Variants in SLC12A3 observed in about 807,000 individuals in gnomAD.
SLC12A3 encodes solute carrier family 12 member 3.
In SLC12A3, 104 loss-of-function variants were observed where a neutral mutation model predicts 121.0. That is an observed-to-expected ratio of 0.86 (90% CI 0.73 to 1.01). The LOEUF (loss-of-function observed/expected upper bound fraction) is 1.01. SLC12A3 is among the 50% of genes least tolerant of loss of function. The pLI is 0.00. For missense variants in SLC12A3, 1,328 were observed against 1,356.3 expected (o/e 0.98, Z 0.33); for synonymous variants, 536 against 533.4 (o/e 1.00, Z -0.07).
chr16:56,904,612 A>G (rs2055583184), intron 25 of SLC12A3, 150 bp downstream of exon 25: 2 of 743,466 alleles, frequency 2.7e-6, no homozygotes, highest in Admixed American at 4.1e-5. Flanking sequence ...AGCCCTGGCG[A>G]TTCTTAGCAT....
intron 25 of SLC12A3, 66 bp downstream of exon 25, chr16:56,904,528 G>T: frequency 2.0e-6 from 3 of 1,468,380 alleles, no homozygotes; most frequent in Non-Finnish European, 2.9e-6. Flanking sequence ...CTCTGGGAAG[G>T]GGCTCAGCAG....
At position 56,867,085 on chromosome 16, in the gene SLC12A3, C is replaced by T. The variant is rs1179612253; in HGVS notation, c.298C>T (p.Leu100=). 2 of 1,613,468 alleles carry T rather than the reference C, an allele frequency of 1.2e-6. No individual in the cohort carries two copies. Among genetic ancestry groups the T allele is most frequent in the Admixed American group, 3.3e-5 (2 of 60,028 alleles). The change falls in exon 2 of 26, where the codon CTG becomes TTG. Residue 100 remains leucine, a synonymous_variant. Transcript: ENST00000563236. ...GGGCTGCCAGCAGGAAGGCAGACAC[C>T]TGCATGCCCTGGCCTTTGACAGCCG... ...HSFLKQEGRH[L]HALAFDSRPS... is the part of the protein sequence containing the mutation.
intron 9 of SLC12A3, among the ~76,000 whole-genome samples, chr16:56,878,463 GTGA>G (rs34584723): frequency 0.18 from 27,610 of 151,634 alleles, 2,579 homozygotes; most frequent in Admixed American, 0.25. Flanking sequence ...AAATCTAGGA[GTGA>G]TGATGATGAT....
rs34954218 is a variant in SLC12A3 at position 56,898,960 on chromosome 16, G to A, written c.2634-570G>A. 6.8e-3 allele frequency among the ~76,000 whole-genome samples: 1,035 copies of A among 152,310 alleles called. 13 individuals are homozygous for A. The highest frequency in any genetic ancestry group is 0.023 in the African/African-American group (962 of 41,564). ...CCAGACCAGCCGAATCAGAATCAGC[G>A]TGGTAACAAGATCCTCAGCAGATGC... On this transcript the variant is annotated intron_variant, in intron 22 of 25. Coordinates refer to ENST00000563236, the MANE Select transcript of SLC12A3 (RefSeq NM_001126108.2).
At chr16:56,897,330 A>G (rs1431629194) in intron 22 of SLC12A3, among the ~76,000 whole-genome samples, 2 of 152,122 alleles carry the variant, frequency 1.3e-5, no homozygotes, top group Non-Finnish European at 2.9e-5. Flanking sequence ...CAAAGAGAAG[A>G]ACCCCTGCCC....
chr16:56,870,714 C>T lies in SLC12A3; in HGVS notation c.830C>T (p.Ala277Val). The change falls in exon 6 of 26, where the codon GCT (alanine) becomes GTT (valine). Residue 277 changes from alanine to valine, a missense_variant. Coordinates refer to ENST00000563236, the MANE Select transcript of SLC12A3 (RefSeq NM_001126108.2). Reference sequence around the variant, plus strand: ...ACTGTGCTGCTGGCCATCTCCCTGGCTGGCATGGAGTGGGAGTCCAAGGTG... The same window carrying T: ...ACTGTGCTGCTGGCCATCTCCCTGGTTGGCATGGAGTGGGAGTCCAAGGTG... ...SVTVLLAISL[A>V]GMEWESKAQV... 6.2e-7 allele frequency: 1 copy of T among 1,613,062 alleles called. No homozygotes were observed. The highest frequency in any genetic ancestry group is 8.5e-7 in the Non-Finnish European group (1 of 1,179,022).
At chr16:56,886,518 C>T (rs2055313912) in intron 16 of SLC12A3, 43 bp downstream of exon 16, 1 of 1,507,184 alleles carries the variant, frequency 6.6e-7, no homozygotes, top group Non-Finnish European at 9.2e-7. Context: ...GGCATGGTGG[C>T]TCATGCCTGT....
chr16:56,894,584 T>C lies in SLC12A3; in HGVS notation c.2575T>C (p.Cys859Arg). The C allele has an allele frequency of 6.2e-7, 1 of 1,614,066 alleles. No individual in the cohort carries two copies. The highest frequency in any genetic ancestry group is 8.5e-7 in the Non-Finnish European group (1 of 1,179,992). Residue 859 changes from cysteine to arginine, a missense_variant, in exon 22 of 26, where the codon TGC (cysteine) becomes CGC (arginine). Transcript: ENST00000563236. ...LLGRKRRWSK[C>R]KIRVFVGGQI... The stretch of plus-strand genomic sequence containing the variant: ...TGGCCGCAAGAGGAGGTGGAGCAAA[T>C]GCAAGATCCGTGTGTTCGTAGGCGG...
intron 19 of SLC12A3, among the ~76,000 whole-genome samples, chr16:56,890,659 G>T (rs2055377097): frequency 6.6e-6 from 1 of 152,174 alleles, no homozygotes; most frequent in South Asian, 2.1e-4. Flanking sequence ...AGCGCTTTGG[G>T]AGGCCAAGGC....
intron 8 of SLC12A3, among the ~76,000 whole-genome samples, chr16:56,875,430 C>T (rs1187366346): frequency 2.6e-5 from 4 of 152,134 alleles, no homozygotes; most frequent in African/African-American, 9.7e-5. Flanking sequence ...TTCTTGTTAT[C>T]ATTGTCATTT....
intron 25 of SLC12A3, among the ~76,000 whole-genome samples, chr16:56,912,031 C>T (rs762154719): frequency 3.9e-5 from 6 of 152,246 alleles, no homozygotes; most frequent in Admixed American, 6.5e-5. Context: ...ACGACTCGGA[C>T]GCCAGAGACT....
At chr16:56,885,616 G>A (rs1376741987) in intron 15 of SLC12A3, among the ~76,000 whole-genome samples, 4 of 152,136 alleles carry the variant, frequency 2.6e-5, no homozygotes, top group African/African-American at 9.7e-5. Flanking sequence ...GTGCTTTGGT[G>A]TTGAGGTGAT....
intron 3 of SLC12A3, among the ~76,000 whole-genome samples, chr16:56,869,228 T>TTATTATTTCTTTTAATAATAAAA (rs1964432443): frequency 6.6e-6 from 1 of 152,208 alleles, no homozygotes; most frequent in Non-Finnish European, 1.5e-5. Flanking sequence ...ACTTTATTTT[T>TTATTATTTCTTTTAATAATAAAA]TATTATTAAA....
chr16:56,904,676 G>GGCC, intron 25 of SLC12A3: 1 of 556,160 alleles, frequency 1.8e-6, no homozygotes, highest in South Asian at 1.9e-5. Context: ...AGGGGTCGAG[G>GGCC]GCCTCACGTG....
At chr16:56,885,176 C>T (rs1424748854) in intron 14 of SLC12A3, 89 bp from the exon 15 acceptor site, 8 of 879,632 alleles carry the variant, frequency 9.1e-6, no homozygotes, top group South Asian at 7.1e-5. Flanking sequence ...CTAGAGAAGG[C>T]CGACATTACC....
At chr16:56,880,306 C>A in intron 12 of SLC12A3, 53 bp downstream of exon 12, 1 of 1,544,046 alleles carries the variant, frequency 6.5e-7, no homozygotes, top group Non-Finnish European at 8.7e-7. Flanking sequence ...CCTGGCCGGC[C>A]ATGAGGGTCT....
chr16:56,879,424 T>A, intron 10 of SLC12A3, 118 bp from the exon 11 acceptor site: 1 of 1,058,042 alleles, frequency 9.5e-7, no homozygotes, highest in East Asian at 2.5e-5. Context: ...GGGTGGGTTG[T>A]GGACTCAGGT....
Position 56,879,579 on chromosome 16 carries a change from C to T in SLC12A3, c.1373C>T (p.Thr458Met), listed in dbSNP as rs200364136. 29 of 1,613,750 alleles carry T rather than the reference C, an allele frequency of 1.8e-5. No individual in the cohort carries two copies. Among genetic ancestry groups the T allele is most frequent in the South Asian group, 3.3e-5 (3 of 91,084 alleles). Reference sequence around the variant, plus strand: ...GTGTCAGGCTTCGCGCCCCTGATCACGGCTGGCATCTTCGGGGCCACCCTC... The same window carrying T: ...GTGTCAGGCTTCGCGCCCCTGATCATGGCTGGCATCTTCGGGGCCACCCTC... ...SMVSGFAPLI[T>M]AGIFGATLSS... Residue 458 changes from threonine (T) to methionine (M), a missense_variant, in exon 11 of 26, where the codon ACG (threonine) becomes ATG (methionine). Transcript: ENST00000563236.
rs2055368568 is a variant in SLC12A3 at position 56,890,131 on chromosome 16, C to A, written c.2286-143C>A. 3 of 716,418 alleles carry A rather than the reference C, an allele frequency of 4.2e-6. No homozygotes were observed. The Admixed American group carries it at 5.9e-5, about 14-fold the overall frequency. 44.4% of individuals were successfully genotyped at this position (716,418 alleles called of 1,614,324 possible). On this transcript the variant is annotated intron_variant, in intron 18 of 25. Transcript: ENST00000563236. ...TCTCCAATTCTGCCTGTACAGGATA[C>A]AGATGGGGAAACTGAGGCCCAGAGA...
Sources: gnomAD v4.1 joint callset for allele counts (sites outside exome capture counted in the v4.1 genomes callset) on GRCh38, gnomAD v4.1.1 for gene constraint, MANE v1.5 for transcripts, NCBI Gene and HGNC (gene_info 2026-07-23, HGNC 2026-07-21) for gene names.